Variants in GRSF1 observed in about 807,000 individuals in gnomAD.
The protein encoded by GRSF1 is G-rich RNA sequence binding factor 1.
In GRSF1, 50 loss-of-function variants were observed where a neutral mutation model predicts 51.1. The observed-to-expected ratio is 0.98, with a 90% confidence interval of 0.78 to 1.24. The LOEUF (loss-of-function observed/expected upper bound fraction) is 1.24, where lower values mean the gene tolerates loss of function less well. Ranked by LOEUF, GRSF1 falls within the 50% of genes most tolerant of loss-of-function variation. The pLI is 0.00. For missense variants in GRSF1, 700 were observed against 639.7 expected (o/e 1.09, Z -1.02); for synonymous variants, 293 against 253.3 (o/e 1.16, Z -1.49).
chr4:70,831,725 A>G (rs1407399077), intron 4 of GRSF1, 51 bp from the exon 5 acceptor site: 2 of 1,486,720 alleles, frequency 1.3e-6, no homozygotes, highest in Non-Finnish European at 1.8e-6. Flanking sequence ...TTATCCTTAG[A>G]ATTAACACCA....
intron 1 of GRSF1, chr4:70,839,062 G>C (rs968723786): frequency 6.0e-6 from 7 of 1,160,342 alleles, no homozygotes; most frequent in South Asian, 2.6e-5. Context: ...CCTAGCGCTC[G>C]GGCTGCACGG....
chr4:70,824,053 C>T (rs890943673), intron 9 of GRSF1, among the ~76,000 whole-genome samples: 2 of 146,648 alleles, frequency 1.4e-5, no homozygotes, highest in African/African-American at 5.1e-5. Flanking sequence ...TCACTGCAAC[C>T]GCTGCCTCCC....
rs569940582 is a variant in GRSF1 at position 70,839,030 on chromosome 4, G to A, written c.357+441C>T. On this transcript the variant is annotated intron_variant, in intron 1 of 9. Transcript: ENST00000254799. ...CACCTTCCCAGCAGCGGCCGACCGA[G>A]AGGCGCCGAGGGCCGCCCAGGCCTA... 45 of 800,726 alleles carry A rather than the reference G, an allele frequency of 5.6e-5. No homozygotes were observed. In the East Asian group the frequency reaches 2.5e-3, roughly 45 times the overall value. 49.6% of individuals were successfully genotyped at this position (800,726 alleles called of 1,614,324 possible).
Position 70,839,566 on chromosome 4 carries a change from C to A in GRSF1, c.262G>T (p.Ala88Ser). Residue 88 changes from alanine (A) to serine (S), a missense_variant, in exon 1 of 10, where the codon GCC (alanine) becomes TCC (serine). By Grantham distance (99) the Ala-to-Ser change is moderately conservative. Coordinates refer to ENST00000254799, the MANE Select transcript of GRSF1 (RefSeq NM_002092.4). ...GCAGAGTAGGACGCGGCGGCCGCGG[C>A]CGCGGCAGAGGTGGCCACAGCGGGA... ...GPPAVATSAA[A>S]AAAASYSALR... 7.0e-7 allele frequency: 1 copy of A among 1,423,570 alleles called. No individual in the cohort carries two copies. Among genetic ancestry groups the A allele is most frequent in the South Asian group, 1.4e-5 (1 of 70,336 alleles). The allele number at this position is 1,423,570 out of a possible 1,614,324, so 88.2% of individuals were successfully genotyped here. A position where few individuals can be genotyped will look rare whatever the true frequency, so the allele number is the denominator to read the frequency against.
intron 7 of GRSF1, 45 bp from the exon 8 acceptor site, chr4:70,825,476 A>C (rs1416761121): frequency 1.3e-6 from 2 of 1,542,322 alleles, no homozygotes; most frequent in Non-Finnish European, 1.8e-6. Context: ...GATGGATGTA[A>C]ACCTACCTAG....
intron 1 of GRSF1, 114 bp downstream of exon 1, chr4:70,839,357 C>T (rs1276921510): frequency 6.6e-7 from 1 of 1,505,214 alleles, no homozygotes. Flanking sequence ...CGGCGAGTGT[C>T]GCGGATCCCC....
In GRSF1 at chr4:70,820,399, A is replaced by G. The variant is rs1256107607; in HGVS notation, c.*488T>C. On this transcript the variant is annotated 3_prime_UTR_variant, in exon 10 of 10. Coordinates refer to ENST00000254799, the MANE Select transcript of GRSF1 (RefSeq NM_002092.4). ...CTATTCTGCCAAACCATACCAGTTC[A>G]AAGGTCTGAAACCGTTCTTTGCTTT... 1 of 152,624 alleles carries G rather than the reference A, an allele frequency of 6.6e-6. No homozygotes were observed. The highest frequency in any genetic ancestry group is 1.9e-4 in the East Asian group (1 of 5,202). The allele number at this position is 152,624 out of a possible 1,614,324, so 9.5% of individuals were successfully genotyped here. A position where few individuals can be genotyped will look rare whatever the true frequency, so the allele number is the denominator to read the frequency against.
At chr4:70,823,757 C>G (rs2148835941) in intron 9 of GRSF1, among the ~76,000 whole-genome samples, 2 of 152,058 alleles carry the variant, frequency 1.3e-5, no homozygotes, top group Admixed American at 1.3e-4. Flanking sequence ...GTAGTCCCAG[C>G]TACTTGGGAG....
Position 70,819,994 on chromosome 4 carries a change from T to C in GRSF1, c.*893A>G, listed in dbSNP as rs987897093. 3.3e-5 allele frequency: 5 copies of C among 152,736 alleles called. No homozygotes were observed. Among genetic ancestry groups the C allele is most frequent in the Non-Finnish European group, 7.3e-5 (5 of 68,034 alleles). 9.5% of individuals were successfully genotyped at this position (152,736 alleles called of 1,614,324 possible). On this transcript the variant is annotated 3_prime_UTR_variant, in exon 10 of 10. Transcript: ENST00000254799. ...TAAAATATGGGATGTACTACTCCAT[T>C]TAAAAAGCAAATGAGGAGACTGATT...
At chr4:70,822,418 A>G (rs1560593096) in intron 9 of GRSF1, among the ~76,000 whole-genome samples, 1 of 152,004 alleles carries the variant, frequency 6.6e-6, no homozygotes, top group Non-Finnish European at 1.5e-5. Context: ...CCCCGTCTCT[A>G]CTAAATATAC....
intron 1 of GRSF1, among the ~76,000 whole-genome samples, chr4:70,838,182 G>A (rs1307010294): frequency 7.9e-6 from 1 of 126,370 alleles, no homozygotes; most frequent in Non-Finnish European, 1.5e-5. Context: ...TCATTCCACT[G>A]CACTCCAGCC....
chr4:70,817,382 G>C lies in GRSF1; in HGVS notation c.*3505C>G, dbSNP rs1733352486. 1 of 152,000 alleles carries C rather than the reference G, an allele frequency of 6.6e-6. No homozygotes were observed. The highest frequency in any genetic ancestry group is 1.5e-5 in the Non-Finnish European group (1 of 68,020). The allele number at this position is 152,000 out of a possible 1,614,324, so 9.4% of individuals were successfully genotyped here. A position where few individuals can be genotyped will look rare whatever the true frequency, so the allele number is the denominator to read the frequency against. On this transcript the variant is annotated 3_prime_UTR_variant, in exon 10 of 10. Coordinates refer to ENST00000254799, the MANE Select transcript of GRSF1 (RefSeq NM_002092.4). ...CAGCCACCACACCTAGCCTATTCTT[G>C]ATTTTCATATAATCAGGCTTAAGAC...
At position 70,831,653 on chromosome 4, in the gene GRSF1, G is replaced by A. The variant is rs1201174353; in HGVS notation, c.836C>T (p.Thr279Ile). 2 of 1,613,150 alleles carry A rather than the reference G, an allele frequency of 1.2e-6. No homozygotes were observed. Among genetic ancestry groups the A allele is most frequent in the African/African-American group, 1.3e-5 (1 of 74,858 alleles). The change falls in exon 5 of 10, where the codon ACT becomes ATT. Residue 279 changes from threonine to isoleucine, a missense_variant. Physicochemically the swap from Thr to Ile is moderately conservative, Grantham distance 89 (BLOSUM62 -1). Coordinates refer to ENST00000254799, the MANE Select transcript of GRSF1 (RefSeq NM_002092.4). ...CCTCCCTCTATAGTCCATCACAAAAGTAATGTCAACTATATTCAGTCCTAG... is the reference window on the plus strand; with the variant it reads ...CCTCCCTCTATAGTCCATCACAAAAATAATGTCAACTATATTCAGTCCTAG... ...FFAGLNIVDI[T>I]FVMDYRGRRK...
chr4:70,824,924 G>A (rs979154463), intron 8 of GRSF1, among the ~76,000 whole-genome samples: 7 of 152,120 alleles, frequency 4.6e-5, no homozygotes, highest in African/African-American at 7.2e-5. Flanking sequence ...CCAACATGGC[G>A]AAACCTGTGT....
intron 5 of GRSF1, among the ~76,000 whole-genome samples, chr4:70,830,897 C>T (rs1027095096): frequency 6.6e-6 from 1 of 151,714 alleles, no homozygotes; most frequent in East Asian, 1.9e-4. Flanking sequence ...TATACTATTG[C>T]TAACAGTGTT....
At position 70,839,496 on chromosome 4, in the gene GRSF1, G is replaced by A. The variant is rs904728219; in HGVS notation, c.332C>T (p.Ala111Val). 15 of 1,423,176 alleles carry A rather than the reference G, an allele frequency of 1.1e-5. No individual in the cohort carries two copies. Among genetic ancestry groups the A allele is most frequent in the Middle Eastern group, 2.4e-4 (1 of 4,212 alleles). The allele number at this position is 1,423,176 out of a possible 1,614,324, so 88.2% of individuals were successfully genotyped here. The change falls in exon 1 of 10, where the codon GCC becomes GTC. Residue 111 changes from alanine to valine, a missense_variant. By Grantham distance (64) the Ala-to-Val change is moderately conservative (BLOSUM62 0). Coordinates refer to ENST00000254799, the MANE Select transcript of GRSF1 (RefSeq NM_002092.4). ...LLPQSLAAAA[A>V]VPTRSYSQES... ...CTGGCTGTAGCTGCGCGTCGGGACG[G>A]CGGCCGCCGCCGCCAGCGACTGCGG...
At chr4:70,842,074 C>T (rs1243496887), upstream of GRSF1, among the ~76,000 whole-genome samples, 1 of 152,176 alleles carries the variant, frequency 6.6e-6, no homozygotes, top group Non-Finnish European at 1.5e-5. Context: ...GAGAGGTCCC[C>T]ACATCCTCTG....
chr4:70,836,160 G>C lies in GRSF1; in HGVS notation c.512C>G (p.Ser171Ter), dbSNP rs779308458. ...AATAAAACATACATAAAATATACCT[G>C]AAAAAAAGTTAAGCACATCTTCCAT... Reference protein sequence around the residue: ...CTMEDVLNFFSDCRIRNGENG... With the variant: ...CTMEDVLNFF Residue 171 changes from serine to a stop codon, truncating the protein, a stop_gained and splice_region_variant, in exon 2 of 10, where the codon TCA becomes TGA. Coordinates refer to ENST00000254799, the MANE Select transcript of GRSF1 (RefSeq NM_002092.4). LOFTEE classifies it high-confidence loss of function. 2 of 1,509,128 alleles carry C rather than the reference G, an allele frequency of 1.3e-6. No individual in the cohort carries two copies. Among genetic ancestry groups the C allele is most frequent in the South Asian group, 1.3e-5 (1 of 75,466 alleles). The allele number at this position is 1,509,128 out of a possible 1,614,324, so 93.5% of individuals were successfully genotyped here. A position where few individuals can be genotyped will look rare whatever the true frequency, so the allele number is the denominator to read the frequency against.
At chr4:70,829,667 T>TG (rs1733880498) in intron 5 of GRSF1, among the ~76,000 whole-genome samples, 1 of 152,022 alleles carries the variant, frequency 6.6e-6, no homozygotes, top group African/African-American at 2.4e-5. Flanking sequence ...TAGCCAGGCA[T>TG]GGTGATGCAT....
Sources: allele counts gnomAD v4.1 joint callset (sites outside exome capture counted in the v4.1 genomes callset), GRCh38; gene constraint gnomAD v4.1.1; transcripts MANE v1.5; gene names NCBI Gene and HGNC (gene_info 2026-07-23, HGNC 2026-07-21).